DNAJB6: variants seen among roughly 807,000 people sequenced by gnomAD.
DNAJB6 encodes the protein DnaJ heat shock protein family (Hsp40) member B6.
DNAJB6 carries 16 observed loss-of-function variants against 42.7 expected under a neutral mutation model. That is an observed-to-expected ratio of 0.37 (90% CI 0.25 to 0.57). DNAJB6 has a LOEUF of 0.57. DNAJB6 is among the 20% of genes least tolerant of loss of function. The probability of loss-of-function intolerance (pLI) is 0.74; values close to 1 mark genes in which losing one functional copy is unlikely to be tolerated. For synonymous variants in DNAJB6, 170 were observed against 163.5 expected (o/e 1.04, Z -0.30); for missense variants, 347 against 416.8 (o/e 0.83, Z 1.46).
At chr7:157,374,359 A>G (rs976210375) in intron 5 of DNAJB6, among the ~76,000 whole-genome samples, 2 of 152,114 alleles carry the variant, frequency 1.3e-5, no homozygotes, top group African/African-American at 4.8e-5. Context: ...TCCCGGGTTC[A>G]AGTGATTCTC....
chr7:157,353,619 G>GTGTGTGTGTGTATA (rs765489885), intron 1 of DNAJB6, among the ~76,000 whole-genome samples: 2 of 146,890 alleles, frequency 1.4e-5, no homozygotes, highest in African/African-American at 5.1e-5. Context: ...GTGTGTGTGT[G>GTGTGTGTGTGTATA]TGTATGTATT....
chr7:157,373,951 G>C (rs779152875), intron 5 of DNAJB6, among the ~76,000 whole-genome samples: 1 of 152,152 alleles, frequency 6.6e-6, no homozygotes, highest in South Asian at 2.1e-4. Flanking sequence ...GGAGGCTGAG[G>C]TAGGAGATTC....
chr7:157,341,528 C>A (rs1171929478), intron 1 of DNAJB6, among the ~76,000 whole-genome samples: 1 of 152,144 alleles, frequency 6.6e-6, no homozygotes, highest in Non-Finnish European at 1.5e-5. Flanking sequence ...TTTCTACTTA[C>A]CTTTTGCCAC....
chr7:157,388,161 A>T (rs1801167509), intron 8 of DNAJB6, among the ~76,000 whole-genome samples: 1 of 152,310 alleles, frequency 6.6e-6, no homozygotes, highest in South Asian at 2.1e-4. Context: ...AATTACTTTT[A>T]TTCTGTTCTT....
chr7:157,369,156 C>A, intron 5 of DNAJB6: 1 of 395,058 alleles, frequency 2.5e-6, no homozygotes, highest in Admixed American at 2.9e-5. Flanking sequence ...GCGTGCTCAT[C>A]GTTTAAGTGC....
intron 8 of DNAJB6, among the ~76,000 whole-genome samples, chr7:157,396,175 C>T (rs1801576690): frequency 1.3e-5 from 2 of 152,110 alleles, no homozygotes; most frequent in Admixed American, 1.3e-4. Context: ...TCTCAAAACC[C>T]TGACCTCAGG....
intron 2 of DNAJB6, among the ~76,000 whole-genome samples, chr7:157,361,749 C>CATTG (rs1799609844): frequency 7.8e-6 from 1 of 128,848 alleles, no homozygotes; most frequent in Non-Finnish European, 1.7e-5. Context: ...TTTTTGTATT[C>CATTG]ATTCATTCAT....
intron 8 of DNAJB6, 28 bp from the exon 9 acceptor site, chr7:157,409,767 G>A (rs1284710959): frequency 6.7e-7 from 1 of 1,502,400 alleles, no homozygotes; most frequent in Admixed American, 2.1e-5. Context: ...GCTCACTCAC[G>A]GCTCTCTCTC....
intron 8 of DNAJB6, among the ~76,000 whole-genome samples, chr7:157,396,786 C>T (rs750386807): frequency 7.2e-5 from 11 of 152,254 alleles, no homozygotes; most frequent in African/African-American, 1.7e-4. Context: ...GGACCCAGTT[C>T]GGGGCAGGGA....
chr7:157,388,204 TAATAG>T (rs1801169662), intron 8 of DNAJB6, among the ~76,000 whole-genome samples: 1 of 152,234 alleles, frequency 6.6e-6, no homozygotes, highest in Non-Finnish European at 1.5e-5. Context: ...ATTAAGTTAC[TAATAG>T]AATAGAAAGC....
chr7:157,388,270 T>G (rs1324304365), intron 8 of DNAJB6, among the ~76,000 whole-genome samples: 1 of 152,250 alleles, frequency 6.6e-6, no homozygotes, highest in Non-Finnish European at 1.5e-5. Context: ...CCCCGTTAAG[T>G]TTATTCCTAG....
chr7:157,354,105 A>G (rs1799150485), intron 1 of DNAJB6, among the ~76,000 whole-genome samples: 1 of 151,848 alleles, frequency 6.6e-6, no homozygotes, highest in Non-Finnish European at 1.5e-5. Flanking sequence ...CACAGATTGT[A>G]TCTGTTGTGA....
chr7:157,349,128 A>G (rs1205166658), intron 1 of DNAJB6, among the ~76,000 whole-genome samples: 1 of 152,012 alleles, frequency 6.6e-6, no homozygotes, highest in Non-Finnish European at 1.5e-5. Context: ...GCAGTCTTCC[A>G]GCCTCGGCCT....
rs983324135 is a variant in DNAJB6, at chr7:157,366,628, G to A, written c.235+67G>A. The A allele has an allele frequency of 2.5e-5, 36 of 1,450,990 alleles. No homozygotes were observed. In the African/African-American group the frequency reaches 4.1e-4, roughly 16 times the overall value. 89.9% of individuals were successfully genotyped at this position (1,450,990 alleles called of 1,614,324 possible). On this transcript the variant is annotated intron_variant, in intron 4 of 9. Transcript: ENST00000262177. ...CAAGTAAGTTGAGTTTGTAAATCAC[G>A]AGTCTCTTGGTCAGAGTCGATTTTG...
rs1358575582 is a variant in DNAJB6, at chr7:157,337,142, TC to T, written c.-28del. 6.6e-6 allele frequency: 1 copy of T among 152,458 alleles called. No individual in the cohort carries two copies. The highest frequency in any genetic ancestry group is 1.5e-5 in the Non-Finnish European group (1 of 68,320). The allele number at this position is 152,458 out of a possible 1,614,324, so 9.4% of individuals were successfully genotyped here. A position where few individuals can be genotyped will look rare whatever the true frequency, so the allele number is the denominator to read the frequency against. ...GTCCCGCCACCGGCCGCTTCTGTCC[TC>T]GGTGAGGGTCTGTTCCGAGGGTCGG... On this transcript the variant is annotated splice_region_variant and 5_prime_UTR_variant, in exon 1 of 10. Coordinates refer to ENST00000262177, the MANE Select transcript of DNAJB6 (RefSeq NM_058246.4).
In DNAJB6 at chr7:157,416,166, C is replaced by T. The variant is rs1251463854; in HGVS notation, c.*68C>T. On this transcript the variant is annotated 3_prime_UTR_variant, in exon 10 of 10. Coordinates refer to ENST00000262177, the MANE Select transcript of DNAJB6 (RefSeq NM_058246.4). ...CCACCGTGCTCGGCATGCGGTCGTG[C>T]ACACGCGCTAGGTAGCAGCGTCGGT... 6.4e-7 allele frequency: 1 copy of T among 1,572,414 alleles called. No individual in the cohort carries two copies. Among genetic ancestry groups the T allele is most frequent in the East Asian group, 2.4e-5 (1 of 42,434 alleles).
At chr7:157,358,218 A>G (rs1002324636) in intron 1 of DNAJB6, among the ~76,000 whole-genome samples, 3 of 152,240 alleles carry the variant, frequency 2.0e-5, no homozygotes, top group African/African-American at 7.2e-5. Flanking sequence ...GACCGTGTCT[A>G]GGAACACATG....
intron 8 of DNAJB6, among the ~76,000 whole-genome samples, chr7:157,397,771 A>T (rs1010759628): frequency 6.6e-6 from 1 of 152,050 alleles, no homozygotes; most frequent in African/African-American, 2.4e-5. Context: ...CTCCCTCTCG[A>T]CCTCTGCCCT....
At chr7:157,367,918 T>C (rs1799922282) in intron 5 of DNAJB6, among the ~76,000 whole-genome samples, 4 of 151,814 alleles carry the variant, frequency 2.6e-5, no homozygotes, top group Admixed American at 1.3e-4. Flanking sequence ...AAAGCAGCAT[T>C]GGACTAGCCT....
Sources: gnomAD v4.1 joint callset for allele counts (sites outside exome capture counted in the v4.1 genomes callset) on GRCh38, gnomAD v4.1.1 for gene constraint, MANE v1.5 for transcripts, NCBI Gene and HGNC (gene_info 2026-07-23, HGNC 2026-07-21) for gene names.